The following EFNB2 variants were observed in gnomAD, a reference collection of about 807,000 sequenced individuals.
EFNB2 encodes ephrin B2.
EFNB2 carries 5 observed loss-of-function variants against 32.1 expected under a neutral mutation model. That is an observed-to-expected ratio of 0.16 (90% CI 0.08 to 0.33). The LOEUF (loss-of-function observed/expected upper bound fraction) is 0.33. Among genes scored for constraint, EFNB2 ranks in the 10% least tolerant of loss-of-function variants. The probability of loss-of-function intolerance (pLI) is 1.00; values close to 1 mark genes in which losing one functional copy is unlikely to be tolerated. For missense variants in EFNB2, 263 were observed against 422.6 expected, an observed-to-expected ratio of 0.62 and a Z score of 3.31; for synonymous variants, 168 against 166.5, an observed-to-expected ratio of 1.01 and a Z score of -0.07.
intron 1 of EFNB2, among the ~76,000 whole-genome samples, chr13:106,528,810 G>C (rs1205244657): frequency 6.6e-6 from 1 of 152,218 alleles, no homozygotes; most frequent in Non-Finnish European, 1.5e-5. Flanking sequence ...GTTCAGGAGA[G>C]AGGGCGGGAA....
intron 1 of EFNB2, among the ~76,000 whole-genome samples, chr13:106,527,923 T>C (rs1181774023): frequency 6.6e-6 from 1 of 152,254 alleles, no homozygotes; most frequent in Non-Finnish European, 1.5e-5. Flanking sequence ...CTTTTTCTTT[T>C]GTCATTTGCC....
In EFNB2 at chr13:106,535,053, G is replaced by T. The variant is rs1880024788; in HGVS notation, c.-89C>A. 1 of 1,535,596 alleles carries T rather than the reference G, an allele frequency of 6.5e-7. No homozygotes were observed. Among genetic ancestry groups the T allele is most frequent in the African/African-American group, 1.4e-5 (1 of 71,652 alleles). On this transcript the variant is annotated 5_prime_UTR_variant, in exon 1 of 5. Coordinates refer to ENST00000646441, the MANE Select transcript of EFNB2 (RefSeq NM_004093.4). ...GACCCCCAATCCTCCGGGGCAGACT[G>T]GCGGGGAAGACGGCGTGCGCCCGCA...
chr13:106,531,989 G>A (rs776357372), intron 1 of EFNB2, among the ~76,000 whole-genome samples: 5 of 149,702 alleles, frequency 3.3e-5, no homozygotes, highest in African/African-American at 5.0e-5. Context: ...CTCCCTCTTG[G>A]AAGAAAATGT....
chr13:106,531,777 A>G (rs932052586), intron 1 of EFNB2, among the ~76,000 whole-genome samples: 1 of 152,174 alleles, frequency 6.6e-6, no homozygotes, highest in Admixed American at 6.5e-5. Flanking sequence ...AAAAAATTAC[A>G]TGGGAAAAGC....
intron 1 of EFNB2, among the ~76,000 whole-genome samples, chr13:106,524,678 TATTC>T (rs1486897861): frequency 1.3e-5 from 2 of 152,218 alleles, no homozygotes; most frequent in African/African-American, 4.8e-5. Flanking sequence ...TGAATTAATG[TATTC>T]ATTCAACAAC....
Position 106,502,941 on chromosome 13 carries a change from C to T in EFNB2, c.407-7101G>A, listed in dbSNP as rs185633716. On this transcript the variant is annotated intron_variant, in intron 2 of 4. Transcript: ENST00000646441. ...GGGGGTATAGATCAAGAAAACATAC[C>T]GTCCAGGCTCAGTGATGTACACTGA... Among the ~76,000 whole-genome samples the T allele has an allele frequency of 2.1e-3, 324 of 152,226 alleles. 3 individuals carry two copies. The highest frequency in any genetic ancestry group is 1.1e-3 in the Non-Finnish European group (77 of 68,014).
rs533943915 is a variant in EFNB2, at chr13:106,501,256, C to A, written c.407-5416G>T. Among the ~76,000 whole-genome samples the A allele has an allele frequency of 2.2e-4, 33 of 152,210 alleles. No homozygotes were observed. In the East Asian group the frequency reaches 4.6e-3, roughly 21 times the overall value. On this transcript the variant is annotated intron_variant, in intron 2 of 4. Transcript: ENST00000646441. ...GAATGCCAAAAATAAATGACTGTTT[C>A]TTTAAAGTTAATTAATAAAATCTTC...
chr13:106,499,885 C>G (rs1003950923), intron 2 of EFNB2, among the ~76,000 whole-genome samples: 1 of 152,154 alleles, frequency 6.6e-6, no homozygotes, highest in Non-Finnish European at 1.5e-5. Flanking sequence ...ATTGTTCCCC[C>G]CAGGGCCTAA....
intron 1 of EFNB2, among the ~76,000 whole-genome samples, chr13:106,522,093 C>T (rs1465564718): frequency 1.3e-5 from 2 of 151,748 alleles, no homozygotes; most frequent in Non-Finnish European, 2.9e-5. Context: ...AAAAATCAGC[C>T]TATGAATTTT....
chr13:106,514,633 T>C (rs541002946), intron 1 of EFNB2, among the ~76,000 whole-genome samples: 11 of 152,232 alleles, frequency 7.2e-5, no homozygotes, highest in Non-Finnish European at 1.5e-4. Context: ...TCTCCTGTCT[T>C]ATTCCTTGAC....
chr13:106,496,931 A>G lies in EFNB2; in HGVS notation c.407-1091T>C, dbSNP rs1308848579. Among the ~76,000 whole-genome samples, 4 of 152,356 alleles carry G rather than the reference A, an allele frequency of 2.6e-5. No individual in the cohort carries two copies. The East Asian group carries it at 7.7e-4, about 29-fold the overall frequency. ...AAGGGGCAAGGAACAAAAGTGTTTC[A>G]TATACATTTCTGCAATTTAAATCCA... On this transcript the variant is annotated intron_variant, in intron 2 of 4. Transcript: ENST00000646441.
intron 1 of EFNB2, among the ~76,000 whole-genome samples, chr13:106,533,119 T>G (rs1879935901): frequency 6.8e-6 from 1 of 146,598 alleles, no homozygotes; most frequent in Non-Finnish European, 1.5e-5. Context: ...AAAAACAGCC[T>G]CAAAGAGAAC....
chr13:106,495,716 A>G (rs72656496), intron 3 of EFNB2, 32 bp downstream of exon 3: 2 of 1,603,352 alleles, frequency 1.2e-6, no homozygotes, highest in Non-Finnish European at 8.5e-7. Context: ...ACCAGGTCAC[A>G]GTGGCGTCAT....
At chr13:106,519,430 G>C (rs1031771532) in intron 1 of EFNB2, 6 of 151,934 alleles carry the variant, frequency 3.9e-5, no homozygotes, top group East Asian at 1.9e-4. Flanking sequence ...TAAATGTGTG[G>C]GGGGGGAGGA....
intron 1 of EFNB2, among the ~76,000 whole-genome samples, chr13:106,530,103 A>G (rs1261779399): frequency 2.0e-5 from 3 of 152,204 alleles, no homozygotes; most frequent in African/African-American, 7.2e-5. Flanking sequence ...TACATCTTCC[A>G]TCATGGGAGA....
rs1476211901 is a variant in EFNB2 at position 106,493,978 on chromosome 13, A to G, written c.614-550T>C. Among the ~76,000 whole-genome samples, 1 of 152,204 alleles carries G rather than the reference A, an allele frequency of 6.6e-6. No homozygotes were observed. The highest frequency in any genetic ancestry group is 6.5e-5 in the Admixed American group (1 of 15,284). ...AACTCGTCTGTATTATTTGATTTAC[A>G]CTTAAAATATATTTGGAAGGCAGCA... On this transcript the variant is annotated intron_variant, in intron 4 of 4. Transcript: ENST00000646441. The surrounding 1 kb of genome is among the most constrained non-coding windows in gnomAD (Gnocchi z 6.1).
intron 2 of EFNB2, among the ~76,000 whole-genome samples, chr13:106,511,943 G>T (rs1177194776): frequency 6.6e-6 from 1 of 152,132 alleles, no homozygotes; most frequent in South Asian, 2.1e-4. Context: ...ATGCAAAAAA[G>T]AGTAATGTAC....
intron 2 of EFNB2, among the ~76,000 whole-genome samples, chr13:106,506,952 G>A (rs1878973203): frequency 6.6e-6 from 1 of 152,182 alleles, no homozygotes; most frequent in African/African-American, 2.4e-5. Flanking sequence ...ATGTTGATCT[G>A]TTTCTCTTGG....
chr13:106,492,753 C>T lies in EFNB2; in HGVS notation c.*287G>A, dbSNP rs1353275441. On this transcript the variant is annotated 3_prime_UTR_variant, in exon 5 of 5. Coordinates refer to ENST00000646441, the MANE Select transcript of EFNB2 (RefSeq NM_004093.4). The surrounding 1 kb of genome is among the most constrained non-coding windows in gnomAD (Gnocchi z 5.1). The stretch of plus-strand genomic sequence containing the variant: ...TGGCTTCTGCAGAGGCCTGAGTGAC[C>T]GCAGCACATGGCTTCGAGGAGGAGA... 7.2e-5 allele frequency: 24 copies of T among 331,620 alleles called. No individual in the cohort carries two copies. Among genetic ancestry groups the T allele is most frequent in the Non-Finnish European group, 1.3e-4 (23 of 176,666 alleles). The allele number at this position is 331,620 out of a possible 1,614,324, so 20.5% of individuals were successfully genotyped here.
Sources: allele counts gnomAD v4.1 joint callset (sites outside exome capture counted in the v4.1 genomes callset), GRCh38; gene constraint gnomAD v4.1.1; non-coding constraint Gnocchi (gnomAD v3.1); transcripts MANE v1.5; gene names NCBI Gene and HGNC (gene_info 2026-07-23, HGNC 2026-07-21).